The following DDC variants were observed in gnomAD, a reference collection of about 807,000 sequenced individuals.
DDC encodes the protein dopa decarboxylase.
DDC carries 43 observed loss-of-function variants against 60.0 expected under a neutral mutation model. The ratio of observed to expected loss-of-function variants is 0.72; its 90% CI spans 0.56 to 0.92. The LOEUF (loss-of-function observed/expected upper bound fraction) is 0.92, where lower values mean the gene tolerates loss of function less well. DDC is among the 40% of genes least tolerant of loss of function. DDC has a pLI of 0.00. For missense variants in DDC, 573 were observed against 620.2 expected (o/e 0.92, Z 0.81); for synonymous variants, 232 against 234.6 (o/e 0.99, Z 0.10).
chr7:50,489,363 C>G (rs1208397979), intron 9 of DDC, among the ~76,000 whole-genome samples: 1 of 152,160 alleles, frequency 6.6e-6, no homozygotes, highest in East Asian at 1.9e-4. Flanking sequence ...AAATAGAAAA[C>G]TTATAACACA....
chr7:50,554,486 TC>T (rs1303114988), intron 1 of DDC, among the ~76,000 whole-genome samples: 1 of 152,186 alleles, frequency 6.6e-6, no homozygotes, highest in Non-Finnish European at 1.5e-5. Flanking sequence ...GCTCCTTCCT[TC>T]CTCCCTTTCT....
At chr7:50,490,119 C>T (rs899428799) in intron 9 of DDC, among the ~76,000 whole-genome samples, 5 of 152,188 alleles carry the variant, frequency 3.3e-5, no homozygotes, top group Non-Finnish European at 7.3e-5. Context: ...TTTACCAAGG[C>T]TTTGATTGGA....
At chr7:50,551,372 A>AG (rs2044988081) in intron 1 of DDC, among the ~76,000 whole-genome samples, 1 of 151,892 alleles carries the variant, frequency 6.6e-6, no homozygotes, top group Admixed American at 6.6e-5. Flanking sequence ...GTGGGATTAC[A>AG]GGCGCATGCC....
chr7:50,495,459 A>C, intron 8 of DDC, 42 bp from the exon 9 acceptor site: 3 of 1,443,990 alleles, frequency 2.1e-6, no homozygotes, highest in East Asian at 2.4e-5. Context: ...CATTTTCTTT[A>C]TAAATGTTTA....
At chr7:50,528,443 T>C (rs2044101930) in intron 5 of DDC, among the ~76,000 whole-genome samples, 163 bp from the exon 6 acceptor site, 1 of 152,206 alleles carries the variant, frequency 6.6e-6, no homozygotes, top group Non-Finnish European at 1.5e-5. Context: ...TGCACCTTCA[T>C]GAGACCCCTT....
At chr7:50,509,632 C>T (rs894616380) in intron 6 of DDC, among the ~76,000 whole-genome samples, 9 of 152,118 alleles carry the variant, frequency 5.9e-5, no homozygotes, top group South Asian at 2.1e-4. Context: ...CTAAGAAAAT[C>T]GTAAATTACT....
chr7:50,563,537 G>A (rs1160811665), intron 1 of DDC, among the ~76,000 whole-genome samples: 1 of 152,006 alleles, frequency 6.6e-6, no homozygotes, highest in African/African-American at 2.4e-5. Context: ...TATATTTAAG[G>A]CTCTATGTAT....
intron 1 of DDC, among the ~76,000 whole-genome samples, chr7:50,550,679 G>A (rs73342830): frequency 3.9e-5 from 6 of 152,150 alleles, no homozygotes; most frequent in African/African-American, 1.2e-4. Context: ...AGGCCCTCCC[G>A]CTGTGGGCTC....
chr7:50,514,832 G>A (rs866542612), intron 6 of DDC, among the ~76,000 whole-genome samples: 46 of 152,106 alleles, frequency 3.0e-4, no homozygotes, highest in African/African-American at 1.1e-3. Context: ...TTCAGAGCTC[G>A]AAGACAAGGT....
At chr7:50,550,411 C>T (rs150783314) in intron 1 of DDC, among the ~76,000 whole-genome samples, 1 of 152,254 alleles carries the variant, frequency 6.6e-6, no homozygotes, top group African/African-American at 2.4e-5. Flanking sequence ...AAAATTCATG[C>T]GACTCCCTTT....
chr7:50,503,832 G>A (rs529994252), intron 7 of DDC, among the ~76,000 whole-genome samples, 161 bp downstream of exon 7: 1 of 152,286 alleles, frequency 6.6e-6, no homozygotes, highest in South Asian at 2.1e-4. Flanking sequence ...AGTTTGTGGA[G>A]TTCAAGCTAA....
chr7:50,461,350 G>A (rs2042269015), intron 14 of DDC, among the ~76,000 whole-genome samples: 1 of 152,140 alleles, frequency 6.6e-6, no homozygotes, highest in South Asian at 2.1e-4. Context: ...ACTCAAATAA[G>A]TACAAGTAAA....
At chr7:50,470,947 G>A (rs143846049) in intron 11 of DDC, among the ~76,000 whole-genome samples, 64 of 152,348 alleles carry the variant, frequency 4.2e-4, no homozygotes, top group African/African-American at 1.5e-3. Flanking sequence ...ACTGAGGAGA[G>A]CTGAGCCAGC....
Position 50,468,578 on chromosome 7 carries a change from T to G in DDC, c.1141-1263A>C, listed in dbSNP as rs2042453689. Among the ~76,000 whole-genome samples the G allele has an allele frequency of 1.3e-5, 2 of 152,050 alleles. 1 individual carries two copies. The highest frequency in any genetic ancestry group is 4.1e-4 in the South Asian group (2 of 4,826). On this transcript the variant is annotated intron_variant, in intron 12 of 14. Coordinates refer to ENST00000444124, the MANE Select transcript of DDC (RefSeq NM_001082971.2). ...TCCTGGAACTGTCCTCACCGAAGCTTTGGGAGTAGGCAGTTCATGGCACAT... is the reference window on the plus strand; with the variant it reads ...TCCTGGAACTGTCCTCACCGAAGCTGTGGGAGTAGGCAGTTCATGGCACAT...
chr7:50,503,074 A>T lies in DDC; in HGVS notation c.781+919T>A, dbSNP rs77700376. On this transcript the variant is annotated intron_variant, in intron 7 of 14. Coordinates refer to ENST00000444124, the MANE Select transcript of DDC (RefSeq NM_001082971.2). ...CTCCTCTGAGTATGGACTATGGGTGACTCTTGGGTTAGGAGAGGTGAGAAC... is the reference window on the plus strand; with the variant it reads ...CTCCTCTGAGTATGGACTATGGGTGTCTCTTGGGTTAGGAGAGGTGAGAAC... Among the ~76,000 whole-genome samples, 37 of 152,122 alleles carry T rather than the reference A, an allele frequency of 2.4e-4. No individual in the cohort carries two copies. In the East Asian group the frequency reaches 6.6e-3, roughly 27 times the overall value.
chr7:50,527,114 A>G (rs2044059224), intron 6 of DDC, among the ~76,000 whole-genome samples: 1 of 152,190 alleles, frequency 6.6e-6, no homozygotes, highest in Admixed American at 6.5e-5. Context: ...TTGTGGTTAT[A>G]TATGAAACTG....
chr7:50,459,866 G>T (rs13223166), intron 14 of DDC, among the ~76,000 whole-genome samples: 2 of 140,088 alleles, frequency 1.4e-5, no homozygotes, highest in African/African-American at 2.8e-5. Context: ...CAGCCGCCCC[G>T]TCCGGGAGGG....
At chr7:50,547,219 GT>G (rs894061978) in intron 1 of DDC, among the ~76,000 whole-genome samples, 5 of 139,060 alleles carry the variant, frequency 3.6e-5, no homozygotes, top group African/African-American at 5.3e-5. Context: ...TTTTTTTTTT[GT>G]TTTTTTTTGA....
At position 50,543,912 on chromosome 7, in the gene DDC, G is replaced by A. The variant is rs200233157; in HGVS notation, c.174C>T (p.Asn58=). 31 of 1,614,152 alleles carry A rather than the reference G, an allele frequency of 1.9e-5. No individual in the cohort carries two copies. The highest frequency in any genetic ancestry group is 1.6e-4 in the East Asian group (7 of 44,882). Residue 58 remains asparagine (N), a synonymous_variant, in exon 2 of 15, where the codon AAC becomes AAT. Coordinates refer to ENST00000444124, the MANE Select transcript of DDC (RefSeq NM_001082971.2). ...CAGGCATGATTATCTTCTCAACGTCGTTGATGATGTCCTCAAACGTGTCTG... is the reference window on the plus strand; with the variant it reads ...CAGGCATGATTATCTTCTCAACGTCATTGATGATGTCCTCAAACGTGTCTG... ...QEPDTFEDII[N]DVEKIIMPGV... is the part of the protein sequence containing the mutation.
Sources: allele counts gnomAD v4.1 joint callset (sites outside exome capture counted in the v4.1 genomes callset), GRCh38; gene constraint gnomAD v4.1.1; transcripts MANE v1.5; gene names NCBI Gene and HGNC (gene_info 2026-07-23, HGNC 2026-07-21).